The following GNAI3 variants were observed in gnomAD, a reference collection of about 807,000 sequenced individuals.
GNAI3 encodes guanine nucleotide-binding protein G(i) subunit alpha-3.
GNAI3 carries 12 observed loss-of-function variants against 41.8 expected under a neutral mutation model. That is an observed-to-expected ratio of 0.29 (90% CI 0.18 to 0.47). The LOEUF is 0.47. GNAI3 is among the 20% of genes least tolerant of loss of function. GNAI3 has a pLI of 1.00. For synonymous variants in GNAI3, 132 were observed against 146.5 expected (o/e 0.90, Z 0.71); for missense variants, 360 against 429.6 (o/e 0.84, Z 1.43).
intron 1 of GNAI3, among the ~76,000 whole-genome samples, chr1:109,569,525 C>A (rs533346446): frequency 1.3e-5 from 2 of 152,120 alleles, no homozygotes; most frequent in African/African-American, 4.8e-5. Flanking sequence ...TTGGGGAAAA[C>A]GCAACAATGA....
At chr1:109,577,608 C>T (rs1307793506) in intron 3 of GNAI3, among the ~76,000 whole-genome samples, 5 of 152,220 alleles carry the variant, frequency 3.3e-5, no homozygotes, top group East Asian at 3.9e-4. Context: ...CCTAGTCTAC[C>T]GCCATGCCAC....
In GNAI3 at chr1:109,586,732, C is replaced by T; in HGVS notation, c.724C>T (p.Arg242Ter). The T allele has an allele frequency of 6.3e-7, 1 of 1,593,168 alleles. No individual in the cohort carries two copies. Among genetic ancestry groups the T allele is most frequent in the Non-Finnish European group, 8.6e-7 (1 of 1,168,376 alleles). ...TCATCCTTTATTTCTTTTTCAGAACCGAATGCATGAAAGCATGAAACTGTT... is the reference window on the plus strand; with the variant it reads ...TCATCCTTTATTTCTTTTTCAGAACTGAATGCATGAAAGCATGAAACTGTT... ...LVLAEDEEMN[R>*]MHESMKLFDS... Residue 242 changes from arginine to a stop codon, truncating the protein, a stop_gained, in exon 7 of 9, where the codon CGA (arginine) becomes TGA (stop). Coordinates refer to ENST00000369851, the MANE Select transcript of GNAI3 (RefSeq NM_006496.4). LOFTEE classifies it high-confidence loss of function.
At chr1:109,549,549 A>G (rs745663801) in intron 1 of GNAI3, among the ~76,000 whole-genome samples, 1 of 152,178 alleles carries the variant, frequency 6.6e-6, no homozygotes. Flanking sequence ...AAGGATGGGA[A>G]ATGGTGTGAG....
Position 109,584,426 on chromosome 1 carries a change from T to C in GNAI3, c.591-1790T>C, listed in dbSNP as rs138078284. 4.3e-4 allele frequency among the ~76,000 whole-genome samples: 66 copies of C among 152,346 alleles called. No individual in the cohort carries two copies. In the East Asian group the frequency reaches 8.7e-3, roughly 20 times the overall value. ...TACTTATAATTAAAAGTTGTGATCA[T>C]TATTTAGTGTTGGAAACTTTCTTAT... On this transcript the variant is annotated intron_variant, in intron 5 of 8. Coordinates refer to ENST00000369851, the MANE Select transcript of GNAI3 (RefSeq NM_006496.4).
intron 5 of GNAI3, among the ~76,000 whole-genome samples, chr1:109,584,246 C>T (rs1185416462): frequency 6.6e-6 from 1 of 152,036 alleles, no homozygotes; most frequent in Non-Finnish European, 1.5e-5. Flanking sequence ...TTTCCTGGTG[C>T]AGGAAAATAG....
intron 7 of GNAI3, among the ~76,000 whole-genome samples, chr1:109,590,420 GTAT>G (rs1649142252): frequency 6.6e-6 from 1 of 152,024 alleles, no homozygotes; most frequent in African/African-American, 2.4e-5. Flanking sequence ...TATTTGCCAG[GTAT>G]TATTATCTGT....
intron 7 of GNAI3, among the ~76,000 whole-genome samples, chr1:109,588,194 C>T (rs1379579289): frequency 6.6e-6 from 1 of 150,738 alleles, no homozygotes; most frequent in East Asian, 2.0e-4. Flanking sequence ...TCCTGGCTAA[C>T]ACAGTGAAAC....
chr1:109,576,181 A>C (rs149907624), intron 3 of GNAI3, among the ~76,000 whole-genome samples: 2,046 of 148,228 alleles, frequency 0.014, 62 homozygotes, highest in African/African-American at 0.048. Flanking sequence ...TGATTCTCCT[A>C]CCTCAGCCTC....
rs1648993933 is a variant in GNAI3, at chr1:109,584,807, G to A, written c.591-1409G>A. ...CCTTGGAACTTCACAGTGTTATACA[G>A]ACTTTGTAGAAGAAAATGGGGGAGT... On this transcript the variant is annotated intron_variant, in intron 5 of 8. Transcript: ENST00000369851. 2.6e-5 allele frequency among the ~76,000 whole-genome samples: 4 copies of A among 152,346 alleles called. No homozygotes were observed. The South Asian group carries it at 8.3e-4, about 32-fold the overall frequency.
intron 1 of GNAI3, among the ~76,000 whole-genome samples, chr1:109,555,751 G>A (rs1360962784): frequency 2.6e-5 from 4 of 152,238 alleles, no homozygotes; most frequent in African/African-American, 4.8e-5. Flanking sequence ...AAATTGATTC[G>A]TAGTCTAGAG....
At position 109,599,052 on chromosome 1, in the gene GNAI3, A is replaced by T. The variant is rs1257263491; in HGVS notation, c.*6730A>T. 2.0e-6 allele frequency: 1 copy of T among 494,954 alleles called. No homozygotes were observed. The highest frequency in any genetic ancestry group is 2.0e-5 in the Admixed American group (1 of 49,354). 30.7% of individuals were successfully genotyped at this position (494,954 alleles called of 1,614,324 possible). A position where few individuals can be genotyped will look rare whatever the true frequency, so the allele number is the denominator to read the frequency against. On this transcript the variant is annotated 3_prime_UTR_variant, in exon 9 of 9. Coordinates refer to ENST00000369851, the MANE Select transcript of GNAI3 (RefSeq NM_006496.4). ...TCTCACCGTGGGGATGGGAAGGAAT[A>T]CTCTGTTTTGGACTATTTGGAGGTA...
intron 1 of GNAI3, among the ~76,000 whole-genome samples, chr1:109,571,046 A>G (rs2101098970): frequency 6.6e-6 from 1 of 152,316 alleles, no homozygotes; most frequent in Non-Finnish European, 1.5e-5. Flanking sequence ...AAGCTTTACT[A>G]ATATTTAATA....
Position 109,582,420 on chromosome 1 carries a change from A to G in GNAI3, c.462-17A>G. The G allele has an allele frequency of 1.3e-6, 2 of 1,599,084 alleles. No homozygotes were observed. The highest frequency in any genetic ancestry group is 1.3e-5 in the African/African-American group (1 of 74,734). On this transcript the variant is annotated splice_polypyrimidine_tract_variant and intron_variant, in intron 4 of 8. Coordinates refer to ENST00000369851, the MANE Select transcript of GNAI3 (RefSeq NM_006496.4). ...GGTTGGCTTCACCAAGTAAAAGTAAACGTGTCTTTTATTTAGTTATCTAAA... is the reference window on the plus strand; with the variant it reads ...GGTTGGCTTCACCAAGTAAAAGTAAGCGTGTCTTTTATTTAGTTATCTAAA...
chr1:109,582,247 TC>T (rs1479193621), intron 4 of GNAI3, among the ~76,000 whole-genome samples, 189 bp from the exon 5 acceptor site: 2 of 152,304 alleles, frequency 1.3e-5, no homozygotes, highest in East Asian at 3.9e-4. Context: ...TGCCTTGGCC[TC>T]CCAGAGTGTT....
In GNAI3 at chr1:109,598,736, T is replaced by C. The variant is rs1649374706; in HGVS notation, c.*6414T>C. On this transcript the variant is annotated 3_prime_UTR_variant, in exon 9 of 9. Coordinates refer to ENST00000369851, the MANE Select transcript of GNAI3 (RefSeq NM_006496.4). ...TTCTGCTTATACTAGTGCTTTTTCATGGCAAAAAGACAGAAAAGTTCCCTT... is the reference window on the plus strand; with the variant it reads ...TTCTGCTTATACTAGTGCTTTTTCACGGCAAAAAGACAGAAAAGTTCCCTT... The C allele has an allele frequency of 1.3e-5, 4 of 309,488 alleles. 1 individual carries two copies. Among genetic ancestry groups the C allele is most frequent in the South Asian group, 1.1e-4 (4 of 36,942 alleles). 19.2% of individuals were successfully genotyped at this position (309,488 alleles called of 1,614,324 possible). A position where few individuals can be genotyped will look rare whatever the true frequency, so the allele number is the denominator to read the frequency against.
chr1:109,578,470 CA>C (rs35519193), intron 3 of GNAI3, among the ~76,000 whole-genome samples: 45,273 of 85,336 alleles, frequency 0.53, 7,403 homozygotes, highest in Admixed American at 0.59. Context: ...AACTCCGTCT[CA>C]AAAAAAAAAA....
chr1:109,592,321 A>T, intron 8 of GNAI3, 24 bp from the exon 9 acceptor site: 1 of 821,384 alleles, frequency 1.2e-6, no homozygotes, highest in Non-Finnish European at 2.0e-6. Context: ...ACTTTTTCTA[A>T]TTAAGAATAT....
intron 3 of GNAI3, among the ~76,000 whole-genome samples, chr1:109,577,616 C>A (rs1348725676): frequency 6.6e-6 from 1 of 152,136 alleles, no homozygotes; most frequent in African/African-American, 2.4e-5. Context: ...ACCGCCATGC[C>A]ACCCTGAATG....
intron 5 of GNAI3, among the ~76,000 whole-genome samples, chr1:109,583,671 TC>T (rs767704512): frequency 1.3e-5 from 2 of 152,020 alleles, no homozygotes; most frequent in Non-Finnish European, 2.9e-5. Context: ...ACCTCTGCCT[TC>T]CGGGTTCAAG....
Sources: gnomAD v4.1 joint callset for allele counts (sites outside exome capture counted in the v4.1 genomes callset) on GRCh38, gnomAD v4.1.1 for gene constraint, MANE v1.5 for transcripts, NCBI Gene and HGNC (gene_info 2026-07-23, HGNC 2026-07-21) for gene names.